NBAS: variants seen among roughly 807,000 people sequenced by gnomAD.
NBAS encodes the protein NBAS subunit of NRZ tethering complex, also known as NAG/BC035112 fusion.
NBAS carries 219 observed loss-of-function variants against 302.5 expected under a neutral mutation model. The ratio of observed to expected loss-of-function variants is 0.72; its 90% CI spans 0.65 to 0.81. NBAS has a LOEUF of 0.81. Ranked by LOEUF, NBAS falls within the 30% of genes least tolerant of loss-of-function variation. NBAS has a pLI of 0.00. For synonymous variants in NBAS, 1,118 were observed against 1,021.6 expected, an observed-to-expected ratio of 1.09 and a Z score of -1.80; for missense variants, 2,932 against 2,841.6, an observed-to-expected ratio of 1.03 and a Z score of -0.72.
chr2:15,097,774 T>C, the NBAS span, among the ~76,000 whole-genome samples: 1 of 150,072 alleles, frequency 6.7e-6, no homozygotes, highest in Non-Finnish European at 1.5e-5. Context: ...GTTTGACAAA[T>C]GAATTTGAGG....
chr2:15,284,484 T>C (rs1208362926), intron 42 of NBAS, among the ~76,000 whole-genome samples: 2 of 152,162 alleles, frequency 1.3e-5, no homozygotes, highest in African/African-American at 2.4e-5. Flanking sequence ...CACCCAACCC[T>C]CTCTGTGTAC....
At chr2:15,049,030 G>A in the NBAS span, among the ~76,000 whole-genome samples, 1 of 152,236 alleles carries the variant, frequency 6.6e-6, no homozygotes, top group African/African-American at 2.4e-5. Flanking sequence ...GGAAGACCAG[G>A]AGTCAGCCAG....
intron 21 of NBAS, among the ~76,000 whole-genome samples, chr2:15,450,214 T>C (rs1678942532): frequency 6.6e-6 from 1 of 152,236 alleles, no homozygotes; most frequent in Admixed American, 6.5e-5. Flanking sequence ...CTTTGTTTAC[T>C]GGAAATATGC....
chr2:14,932,913 T>A, the NBAS span, among the ~76,000 whole-genome samples: 1 of 152,232 alleles, frequency 6.6e-6, no homozygotes, highest in Non-Finnish European at 1.5e-5. Context: ...TAGTTGAGAC[T>A]GGTGATACTG....
chr2:15,029,139 T>C, the NBAS span, among the ~76,000 whole-genome samples: 1 of 152,228 alleles, frequency 6.6e-6, no homozygotes, highest in African/African-American at 2.4e-5. Context: ...GAATGCTTGT[T>C]GATTTTCAGT....
At chr2:15,124,363 A>T in the NBAS span, among the ~76,000 whole-genome samples, 7 of 152,338 alleles carry the variant, frequency 4.6e-5, no homozygotes, top group East Asian at 7.7e-4. Flanking sequence ...GCAAAAGAAT[A>T]ACTTAGAGTT....
At chr2:15,189,883 A>AT (rs1438465636) in intron 49 of NBAS, among the ~76,000 whole-genome samples, 1 of 152,226 alleles carries the variant, frequency 6.6e-6, no homozygotes, top group Non-Finnish European at 1.5e-5. Flanking sequence ...TAAATTGCAC[A>AT]TAACATTGTG....
chr2:14,935,545 T>C, the NBAS span, among the ~76,000 whole-genome samples: 3 of 152,300 alleles, frequency 2.0e-5, no homozygotes, highest in African/African-American at 7.2e-5. Context: ...ACGGTACTTA[T>C]GAAAGCAGGT....
chr2:15,270,263 C>G (rs999098183), intron 44 of NBAS, among the ~76,000 whole-genome samples: 2 of 152,176 alleles, frequency 1.3e-5, no homozygotes, highest in African/African-American at 4.8e-5. Context: ...CTCCCTGGTT[C>G]AAGTGATTCT....
chr2:14,839,316 CA>C, the NBAS span, among the ~76,000 whole-genome samples: 7,947 of 152,086 alleles, frequency 0.052, 690 homozygotes, highest in African/African-American at 0.18. Context: ...AGGGTTTTTA[CA>C]TTGGAAAATG....
chr2:15,490,146 A>T lies in NBAS; in HGVS notation c.955-1124T>A, dbSNP rs555029823. Among the ~76,000 whole-genome samples the T allele has an allele frequency of 7.2e-5, 11 of 152,320 alleles. No homozygotes were observed. In the South Asian group the frequency reaches 1.5e-3, roughly 20 times the overall value. On this transcript the variant is annotated intron_variant, in intron 11 of 51. Coordinates refer to ENST00000281513, the MANE Select transcript of NBAS (RefSeq NM_015909.4). ...CTGAAAATGAAACATGACTATACTGAAAATCAAAATTATTACACTTGATCC... is the reference window on the plus strand; with the variant it reads ...CTGAAAATGAAACATGACTATACTGTAAATCAAAATTATTACACTTGATCC...
chr2:15,134,056 T>TTCTCTCTCTCTCTCTCTC, the NBAS span, among the ~76,000 whole-genome samples: 745 of 145,728 alleles, frequency 5.1e-3, 5 homozygotes, highest in African/African-American at 6.4e-3. Flanking sequence ...GAACATTTCT[T>TTCTCTCTCTCTCTCTCTC]TCTCTCTCTC....
rs112479810 is a variant in NBAS at position 15,374,085 on chromosome 2, T to C, written c.3703+523A>G. On this transcript the variant is annotated intron_variant, in intron 31 of 51. Transcript: ENST00000281513. ...TACCAAGTTGACTTTTATATTCAAATAAAAGAAGTTGAGTAATATTAAGAT... is the reference window on the plus strand; with the variant it reads ...TACCAAGTTGACTTTTATATTCAAACAAAAGAAGTTGAGTAATATTAAGAT... Among the ~76,000 whole-genome samples, 1,078 of 152,264 alleles carry C rather than the reference T, an allele frequency of 7.1e-3. 10 individuals are homozygous for C. Among genetic ancestry groups the C allele is most frequent in the African/African-American group, 0.022 (916 of 41,544 alleles).
intron 47 of NBAS, among the ~76,000 whole-genome samples, chr2:15,228,215 C>T (rs906782642): frequency 2.0e-5 from 3 of 151,906 alleles, no homozygotes; most frequent in African/African-American, 4.8e-5. Flanking sequence ...TGACATTTCT[C>T]AAAAGAAGAC....
the NBAS span, among the ~76,000 whole-genome samples, chr2:15,036,104 CT>C: frequency 1.3e-5 from 2 of 152,090 alleles, no homozygotes; most frequent in Admixed American, 1.3e-4. Context: ...AAGAATTGCC[CT>C]TTTTGTATCC....
At chr2:15,458,678 T>G (rs1679358320) in intron 21 of NBAS, among the ~76,000 whole-genome samples, 1 of 152,120 alleles carries the variant, frequency 6.6e-6, no homozygotes, top group African/African-American at 2.4e-5. Flanking sequence ...CTTTATAAAT[T>G]ACCCAGCCTC....
At chr2:15,312,602 G>A (rs180914440) in intron 38 of NBAS, among the ~76,000 whole-genome samples, 1 of 152,050 alleles carries the variant, frequency 6.6e-6, no homozygotes, top group South Asian at 2.1e-4. Context: ...AATTCAGCTG[G>A]TACCCTGGTC....
At chr2:15,011,892 C>T in the NBAS span, among the ~76,000 whole-genome samples, 1 of 152,164 alleles carries the variant, frequency 6.6e-6, no homozygotes, top group Admixed American at 6.5e-5. Context: ...ATAAAACCAA[C>T]ACCCCAAGAT....
chr2:14,904,775 C>A, the NBAS span, among the ~76,000 whole-genome samples: 1 of 152,172 alleles, frequency 6.6e-6, no homozygotes, highest in Non-Finnish European at 1.5e-5. Flanking sequence ...CTAGGCCGGG[C>A]GCGGTGGCTC....
Sources: gnomAD v4.1 joint callset for allele counts (sites outside exome capture counted in the v4.1 genomes callset) on GRCh38, gnomAD v4.1.1 for gene constraint, MANE v1.5 for transcripts, NCBI Gene and HGNC (gene_info 2026-07-23, HGNC 2026-07-21) for gene names.